ARHGEF17: variants seen among roughly 807,000 people sequenced by gnomAD.
ARHGEF17 encodes the protein 164 kDa Rho-specific guanine-nucleotide exchange factor.
In ARHGEF17, 80 loss-of-function variants were observed where a neutral mutation model predicts 174.0. The observed-to-expected ratio is 0.46, with a 90% confidence interval of 0.38 to 0.55. The LOEUF is 0.55. Ranked by LOEUF, ARHGEF17 falls within the 20% of genes least tolerant of loss-of-function variation. The probability of loss-of-function intolerance (pLI) is 0.00; values close to 1 mark genes in which losing one functional copy is unlikely to be tolerated. For synonymous variants in ARHGEF17, 1,311 were observed against 1,189.1 expected (o/e 1.10, Z -2.11); for missense variants, 2,886 against 2,839.7 (o/e 1.02, Z -0.37).
chr11:73,308,870 C>G lies in ARHGEF17; in HGVS notation c.232C>G (p.Leu78Val). The G allele has an allele frequency of 1.5e-6, 2 of 1,356,754 alleles. No individual in the cohort carries two copies. Among genetic ancestry groups the G allele is most frequent in the Non-Finnish European group, 1.9e-6 (2 of 1,061,514 alleles). 84.0% of individuals were successfully genotyped at this position (1,356,754 alleles called of 1,614,324 possible). A position where few individuals can be genotyped will look rare whatever the true frequency, so the allele number is the denominator to read the frequency against. The change falls in exon 1 of 21, where the codon CTC (leucine) becomes GTC (valine). Residue 78 changes from leucine to valine, a missense_variant. Physicochemically the swap from Leu to Val is conservative, Grantham distance 32. Around this residue, in one of 4 missense-constraint regions of ARHGEF17, gnomAD observed 1,728 missense variants for 1,461.2 expected, o/e 1.18. Transcript: ENST00000263674. ...APAQPRPLRSLSPSVRQLSRR... is the reference protein window; with the variant it reads ...APAQPRPLRSVSPSVRQLSRR... ...CGCGCAGCCGCGCCCGCTCCGCAGC[C>G]TCTCGCCGTCGGTTCGCCAGCTCTC...
At chr11:73,314,710 G>A (rs1864900599) in intron 1 of ARHGEF17, among the ~76,000 whole-genome samples, 1 of 152,112 alleles carries the variant, frequency 6.6e-6, no homozygotes, top group African/African-American at 2.4e-5. Flanking sequence ...GCCGGGAGGT[G>A]AGGAGGCAGA....
chr11:73,321,810 T>C (rs1488453255), intron 1 of ARHGEF17, among the ~76,000 whole-genome samples: 1 of 152,126 alleles, frequency 6.6e-6, no homozygotes, highest in African/African-American at 2.4e-5. Flanking sequence ...CCTGAGACTC[T>C]GGGGTCTGGA....
At chr11:73,367,483 A>C in intron 20 of ARHGEF17, 101 bp from the exon 21 acceptor site, 1 of 1,046,380 alleles carries the variant, frequency 9.6e-7, no homozygotes, top group Non-Finnish European at 1.4e-6. Context: ...AAGTGTGCAC[A>C]TCTTCCTTCC....
chr11:73,367,808 C>G lies in ARHGEF17; in HGVS notation c.*28C>G, dbSNP rs1248198547. The G allele has an allele frequency of 6.3e-6, 10 of 1,584,230 alleles. No individual in the cohort carries two copies. Among genetic ancestry groups the G allele is most frequent in the Non-Finnish European group, 7.8e-6 (9 of 1,159,854 alleles). ...CTGTCTGCCGTGGCCCAGGACTCGC[C>G]CGCCCACCTGCCTTCAGCCTGCTTG... On this transcript the variant is annotated 3_prime_UTR_variant, in exon 21 of 21. Transcript: ENST00000263674.
chr11:73,355,468 C>A, intron 3 of ARHGEF17, 65 bp from the exon 4 acceptor site: 2 of 1,061,008 alleles, frequency 1.9e-6, no homozygotes, highest in Admixed American at 1.8e-5. Flanking sequence ...TCAGTGAAAA[C>A]TAGGACAGGG....
At chr11:73,364,036 C>A in intron 16 of ARHGEF17, 136 bp from the exon 17 acceptor site, 1 of 1,089,872 alleles carries the variant, frequency 9.2e-7, no homozygotes, top group Non-Finnish European at 1.4e-6. Context: ...CTCAGGCAAC[C>A]CCCACCTGGA....
At position 73,331,459 on chromosome 11, in the gene ARHGEF17, C is replaced by G. The variant is rs373606426; in HGVS notation, c.3193-15424C>G. On this transcript the variant is annotated intron_variant, in intron 1 of 20. Transcript: ENST00000263674. ...GTAGCCTATACCACCTCCCCTCCCC[C>G]ACTCCTGGGCCCCAGTGGTCAAATT... 1.1e-4 allele frequency among the ~76,000 whole-genome samples: 16 copies of G among 152,312 alleles called. No individual in the cohort carries two copies. In the East Asian group the frequency reaches 1.4e-3, roughly 13 times the overall value.
rs780853835 is a variant in ARHGEF17 at position 73,362,482 on chromosome 11, G to A, written c.4744G>A (p.Ala1582Thr). The A allele has an allele frequency of 1.9e-6, 3 of 1,595,494 alleles. No individual in the cohort carries two copies. The highest frequency in any genetic ancestry group is 1.3e-5 in the African/African-American group (1 of 74,776). ...RSPPETAPEP[A>T]GPELDVEAAA... ...TCCTCCAGAGACGGCACCGGAGCCC[G>A]CCGGGCCGGAGCTGGACGTCGAGGC... The change falls in exon 14 of 21, where the codon GCC becomes ACC. Residue 1582 changes from alanine (A) to threonine (T), a missense_variant. By Grantham distance (58) the Ala-to-Thr change is moderately conservative. Transcript: ENST00000263674.
chr11:73,347,427 G>A (rs1865482091), intron 2 of ARHGEF17, among the ~76,000 whole-genome samples: 1 of 152,222 alleles, frequency 6.6e-6, no homozygotes, highest in Admixed American at 6.5e-5. Context: ...TGAGTACGTA[G>A]TGGAGTATAC....
In ARHGEF17 at chr11:73,363,645, C is replaced by T. The variant is rs556387243; in HGVS notation, c.5247-102C>T. On this transcript the variant is annotated intron_variant, in intron 15 of 20. Transcript: ENST00000263674. ...GGACCTCAGTACCTTGGGCAGGCAC[C>T]CAGCATTGAAGACGTGGTGCTAGGG... 53 of 1,525,048 alleles carry T rather than the reference C, an allele frequency of 3.5e-5. No homozygotes were observed. In the East Asian group the frequency reaches 1.2e-3, roughly 33 times the overall value. The allele number at this position is 1,525,048 out of a possible 1,614,324, so 94.5% of individuals were successfully genotyped here.
intron 6 of ARHGEF17, 155 bp from the exon 7 acceptor site, chr11:73,356,554 C>G (rs1865644781): frequency 8.5e-7 from 1 of 1,177,286 alleles, no homozygotes; most frequent in Middle Eastern, 2.5e-4. Flanking sequence ...GACCTTGGGT[C>G]CTGTGGCCTG....
At chr11:73,343,281 C>T (rs963434815) in intron 1 of ARHGEF17, 2 of 397,984 alleles carry the variant, frequency 5.0e-6, no homozygotes, top group African/African-American at 2.1e-5. Context: ...GGCCCAGGTA[C>T]GGGGAGGGGG....
At position 73,363,377 on chromosome 11, in the gene ARHGEF17, G is replaced by C; in HGVS notation, c.5168G>C (p.Arg1723Pro). The change falls in exon 15 of 21, where the codon CGG becomes CCG. Residue 1723 changes from arginine (R) to proline (P), a missense_variant. By Grantham distance (103) the Arg-to-Pro change is moderately radical. Transcript: ENST00000263674. ...LRRSSHGSFT[R>P]GSLEDLLSVD... ...CGCTCCAGCCACGGCTCCTTCACCC[G>C]GGGCAGCCTTGAGGACCTGCTGAGT... 1 of 1,613,062 alleles carries C rather than the reference G, an allele frequency of 6.2e-7. No homozygotes were observed. The highest frequency in any genetic ancestry group is 8.5e-7 in the Non-Finnish European group (1 of 1,179,854).
rs1160366754 is a variant in ARHGEF17 at position 73,365,487 on chromosome 11, T to C, written c.5648T>C (p.Val1883Ala). ...VWVTLKGSAH[V>A]CLYHPDTFEQ... is the part of the protein sequence containing the mutation. ...GTGACATTGAAAGGTAGTGCCCACG[T>C]GTGTCTCTACCATCCAGACACCTTT... Residue 1883 changes from valine to alanine, a missense_variant, in exon 19 of 21, where the codon GTG becomes GCG. By Grantham distance (64) the Val-to-Ala change is moderately conservative. Transcript: ENST00000263674. This position sits in a 1 kb window ranked among gnomAD's most constrained non-coding sequence, Gnocchi z 4.9. The C allele has an allele frequency of 6.2e-7, 1 of 1,614,102 alleles. No individual in the cohort carries two copies. The highest frequency in any genetic ancestry group is 1.7e-5 in the Admixed American group (1 of 60,026).
At position 73,311,663 on chromosome 11, in the gene ARHGEF17, C is replaced by A; in HGVS notation, c.3025C>A (p.Gln1009Lys). 1 of 1,613,440 alleles carries A rather than the reference C, an allele frequency of 6.2e-7. No individual in the cohort carries two copies. Among genetic ancestry groups the A allele is most frequent in the Non-Finnish European group, 8.5e-7 (1 of 1,180,032 alleles). ...ACCATCGCTCGAGGACGTCACCAAG[C>A]AGTACATGCTGAACCTGCACTCCGG... is the stretch of plus-strand genomic sequence containing the variant. ...QAPSLEDVTK[Q>K]YMLNLHSGEV... Residue 1009 changes from glutamine (Q) to lysine (K), a missense_variant, in exon 1 of 21, where the codon CAG becomes AAG. Coordinates refer to ENST00000263674, the MANE Select transcript of ARHGEF17 (RefSeq NM_014786.4).
At chr11:73,354,715 CAAA>C (rs369363433) in intron 3 of ARHGEF17, among the ~76,000 whole-genome samples, 12,143 of 91,496 alleles carry the variant, frequency 0.13, 482 homozygotes, top group Non-Finnish European at 0.15. Context: ...GACTCCGTCT[CAAA>C]AAAAAAAAAA....
Position 73,310,358 on chromosome 11 carries a change from A to T in ARHGEF17, c.1720A>T (p.Thr574Ser), listed in dbSNP as rs1054798573. The change falls in exon 1 of 21, where the codon ACA becomes TCA. Residue 574 changes from threonine to serine, a missense_variant. This residue lies in a region of ARHGEF17 where 1,728 missense variants were observed against 1,461.2 expected (regional missense o/e 1.18). Coordinates refer to ENST00000263674, the MANE Select transcript of ARHGEF17 (RefSeq NM_014786.4). ...LKSSSSELLL[T>S]GPGAEEDPLP... Reference sequence around the variant, plus strand: ...GTCCAGCTCCTCCGAGCTCCTGCTCACAGGCCCTGGTGCCGAGGAGGATCC... The same window carrying T: ...GTCCAGCTCCTCCGAGCTCCTGCTCTCAGGCCCTGGTGCCGAGGAGGATCC... 5.6e-6 allele frequency: 9 copies of T among 1,613,726 alleles called. No individual in the cohort carries two copies. The highest frequency in any genetic ancestry group is 4.0e-5 in the African/African-American group (3 of 74,954).
chr11:73,326,495 G>A (rs903114386), intron 1 of ARHGEF17, among the ~76,000 whole-genome samples: 1 of 152,108 alleles, frequency 6.6e-6, no homozygotes, highest in Non-Finnish European at 1.5e-5. Context: ...CGAGGAGGGC[G>A]GATCACCTGA....
At chr11:73,329,362 TATA>T (rs1865162172) in intron 1 of ARHGEF17, among the ~76,000 whole-genome samples, 1 of 18,890 alleles carries the variant, frequency 5.3e-5, no homozygotes. Context: ...TATATATATA[TATA>T]TATATATATT....
Sources: allele counts gnomAD v4.1 joint callset (sites outside exome capture counted in the v4.1 genomes callset), GRCh38; gene constraint gnomAD v4.1.1; regional missense constraint gnomAD v4.1.1; non-coding constraint Gnocchi (gnomAD v3.1); transcripts MANE v1.5; gene names NCBI Gene and HGNC (gene_info 2026-07-23, HGNC 2026-07-21).